PKIB: variants seen among roughly 807,000 people sequenced by gnomAD.
PKIB encodes cAMP-dependent protein kinase inhibitor beta, also known as PKI-beta.
A neutral mutation model predicts 4.5 loss-of-function variants in PKIB; 2 were observed. The observed-to-expected ratio is 0.44, with a 90% CI of 0.18 to 1.39. PKIB has a LOEUF of 1.39. Ranked by LOEUF, PKIB falls within the 40% of genes most tolerant of loss-of-function variation. The probability of loss-of-function intolerance (pLI) is 0.27; values close to 1 mark genes in which losing one functional copy is unlikely to be tolerated. For synonymous variants in PKIB, 38 were observed against 36.0 expected, an observed-to-expected ratio of 1.06 and a Z score of -0.20; for missense variants, 94 against 92.6, an observed-to-expected ratio of 1.02 and a Z score of -0.06.
chr6:122,543,189 G>T (rs1777662768), intron 2 of PKIB, among the ~76,000 whole-genome samples: 1 of 152,008 alleles, frequency 6.6e-6, no homozygotes, highest in Non-Finnish European at 1.5e-5. Flanking sequence ...GCCTCGCCCT[G>T]CTTTGGCTCA....
In PKIB at chr6:122,679,743, G is replaced by A. The variant is rs185071869; in HGVS notation, c.-9+4599G>A. ...TGATATTTCTAAGCCACGGTGATGA[G>A]ATCAGCTGATTTGTCCTGGGGCTCT... On this transcript the variant is annotated intron_variant, in intron 3 of 4. Transcript: ENST00000368452. Among the ~76,000 whole-genome samples the A allele has an allele frequency of 5.3e-5, 8 of 152,298 alleles. No homozygotes were observed. In the East Asian group the frequency reaches 1.5e-3, roughly 29 times the overall value.
chr6:122,509,685 C>G (rs187944227), intron 2 of PKIB, among the ~76,000 whole-genome samples: 1 of 152,220 alleles, frequency 6.6e-6, no homozygotes, highest in East Asian at 1.9e-4. Context: ...CCCACCTCGG[C>G]CTCCCAAAGT....
intron 2 of PKIB, among the ~76,000 whole-genome samples, chr6:122,486,074 C>T (rs1455536326): frequency 5.3e-5 from 8 of 150,890 alleles, no homozygotes; most frequent in Non-Finnish European, 1.2e-4. Context: ...CTCCACATTA[C>T]CCCCCTGACT....
intron 2 of PKIB, among the ~76,000 whole-genome samples, chr6:122,674,423 T>G (rs949481983): frequency 1.3e-5 from 2 of 152,088 alleles, no homozygotes; most frequent in Non-Finnish European, 2.9e-5. Flanking sequence ...TTGCTATGAG[T>G]GGCTAATGTG....
chr6:122,485,865 T>G (rs920488198), intron 2 of PKIB, among the ~76,000 whole-genome samples: 10 of 152,344 alleles, frequency 6.6e-5, no homozygotes, highest in Non-Finnish European at 1.2e-4. Flanking sequence ...TTGCTGTATG[T>G]CTTGCCTTTT....
chr6:122,574,746 A>G (rs1230639661), intron 2 of PKIB, among the ~76,000 whole-genome samples: 1 of 152,210 alleles, frequency 6.6e-6, no homozygotes, highest in East Asian at 1.9e-4. Context: ...ACAAAAATCA[A>G]CTCAAGATCA....
intron 2 of PKIB, among the ~76,000 whole-genome samples, chr6:122,666,353 A>G (rs910771661): frequency 6.6e-6 from 1 of 152,266 alleles, no homozygotes. Flanking sequence ...TTAGCTAACC[A>G]AAATCATGTC....
intron 3 of PKIB, among the ~76,000 whole-genome samples, chr6:122,697,092 C>G (rs1200886462): frequency 6.6e-6 from 1 of 152,136 alleles, no homozygotes; most frequent in Admixed American, 6.5e-5. Flanking sequence ...AGTGAACAAC[C>G]AGGTCTGTAG....
At chr6:122,485,098 G>A (rs1356217442) in intron 2 of PKIB, among the ~76,000 whole-genome samples, 3 of 152,092 alleles carry the variant, frequency 2.0e-5, no homozygotes, top group Admixed American at 1.3e-4. Flanking sequence ...CTGCTCTAGA[G>A]TCTCTGAATA....
intron 2 of PKIB, chr6:122,480,157 C>T (rs935998330): frequency 1.3e-5 from 2 of 152,144 alleles, no homozygotes; most frequent in African/African-American, 4.8e-5. Context: ...ATTCTCCTGC[C>T]TCAGCCTCCT....
intron 3 of PKIB, among the ~76,000 whole-genome samples, chr6:122,682,270 G>A (rs928504066): frequency 2.6e-5 from 4 of 152,070 alleles, no homozygotes; most frequent in African/African-American, 9.7e-5. Flanking sequence ...TCAGGCGGCT[G>A]GCCAGTAGGG....
chr6:122,726,177 G>C lies in PKIB; in HGVS notation c.*982G>C, dbSNP rs1022350700. 6.6e-6 allele frequency: 1 copy of C among 151,958 alleles called. No individual in the cohort carries two copies. The highest frequency in any genetic ancestry group is 1.5e-5 in the Non-Finnish European group (1 of 67,982). The allele number at this position is 151,958 out of a possible 1,614,324, so 9.4% of individuals were successfully genotyped here. The stretch of plus-strand genomic sequence containing the variant: ...TAAAAGGAGCAAAAATAAAACCAAA[G>C]TGTTAGTAAATTTTGATTTATTAGA... On this transcript the variant is annotated 3_prime_UTR_variant, in exon 5 of 5. Transcript: ENST00000368452.
At chr6:122,499,035 G>A (rs908767622) in intron 2 of PKIB, among the ~76,000 whole-genome samples, 1 of 152,118 alleles carries the variant, frequency 6.6e-6, no homozygotes, top group Non-Finnish European at 1.5e-5. Context: ...AGCCTGAACT[G>A]ACCAATATCA....
rs71021412 is a variant in PKIB, at chr6:122,662,308, C to CTTTTTTTTTTTTTTTTTTTTT, written c.-75-12761_-75-12741dup. ...CTCTCCTTCTTTCTTTCCTTGTCTC[C>CTTTTTTTTTTTTTTTTTTTTT]TTTTTTTTTTTTTTTTTTTTTTTTT... On this transcript the variant is annotated intron_variant, in intron 2 of 4. Coordinates refer to ENST00000368452, the MANE Select transcript of PKIB (RefSeq NM_181795.3). Among the ~76,000 whole-genome samples, 34 of 13,262 alleles carry CTTTTTTTTTTTTTTTTTTTTT rather than the reference C, an allele frequency of 2.6e-3. 10 individuals carry two copies. Among genetic ancestry groups the CTTTTTTTTTTTTTTTTTTTTT allele is most frequent in the Non-Finnish European group, 3.9e-3 (26 of 6,648 alleles). The allele number at this position is 13,262 out of a possible 152,430, so 8.7% of individuals were successfully genotyped here. A position where few individuals can be genotyped will look rare whatever the true frequency, so the allele number is the denominator to read the frequency against.
chr6:122,673,741 C>T (rs1175134312), intron 2 of PKIB, among the ~76,000 whole-genome samples: 2 of 152,210 alleles, frequency 1.3e-5, no homozygotes. Flanking sequence ...ATCTGTGAAA[C>T]ACTGTGCTGG....
chr6:122,485,090 G>A (rs1775724590), intron 2 of PKIB, among the ~76,000 whole-genome samples: 1 of 152,150 alleles, frequency 6.6e-6, no homozygotes, highest in Non-Finnish European at 1.5e-5. Context: ...CCATGTGGCT[G>A]CTCTAGAGTC....
intron 3 of PKIB, among the ~76,000 whole-genome samples, chr6:122,676,340 C>T (rs1582801796): frequency 6.6e-6 from 1 of 152,172 alleles, no homozygotes; most frequent in East Asian, 1.9e-4. Flanking sequence ...GCTGTAAATA[C>T]AGATGAAGCT....
At chr6:122,599,931 C>G (rs1257740322) in intron 3 of PKIB, among the ~76,000 whole-genome samples, 2 of 152,098 alleles carry the variant, frequency 1.3e-5, no homozygotes, top group African/African-American at 4.8e-5. Flanking sequence ...CTACCAAAAT[C>G]TGTATTAGTC....
At chr6:122,615,343 G>A (rs1271395925) in intron 1 of PKIB, among the ~76,000 whole-genome samples, 3 of 152,154 alleles carry the variant, frequency 2.0e-5, no homozygotes, top group Non-Finnish European at 4.4e-5. Flanking sequence ...ATGAGTCAGG[G>A]CAGCAGAATT....
Sources: gnomAD v4.1 joint callset for allele counts (sites outside exome capture counted in the v4.1 genomes callset) on GRCh38, gnomAD v4.1.1 for gene constraint, MANE v1.5 for transcripts, NCBI Gene and HGNC (gene_info 2026-07-23, HGNC 2026-07-21) for gene names.